The following SOCS2 variants were observed in gnomAD, a reference collection of about 807,000 sequenced individuals.
SOCS2 encodes the protein CIS-2.
SOCS2 carries 10 observed loss-of-function variants against 18.6 expected under a neutral mutation model. That is an observed-to-expected ratio of 0.54 (90% confidence interval 0.33 to 0.91). The LOEUF is 0.91. SOCS2 is among the 40% of genes least tolerant of loss of function. The pLI, the probability that SOCS2 is intolerant of heterozygous loss-of-function variation, is 0.02. For missense variants in SOCS2, 231 were observed against 247.2 expected, an observed-to-expected ratio of 0.93 and a Z score of 0.44; for synonymous variants, 104 against 104.0, an observed-to-expected ratio of 1.00 and a Z score of 0.00.
At chr12:93,590,783 C>CAAAAAAAAAAAAAAAAAAAA in the SOCS2 span, among the ~76,000 whole-genome samples, 1 of 38,950 alleles carries the variant, frequency 2.6e-5, no homozygotes, top group African/African-American at 1.2e-4. Context: ...GACTCCGCCT[C>CAAAAAAAAAAAAAAAAAAAA]AAAAAAAAAA....
the SOCS2 span, among the ~76,000 whole-genome samples, chr12:93,602,353 T>G: frequency 6.6e-6 from 1 of 152,190 alleles, no homozygotes; most frequent in South Asian, 2.1e-4. Flanking sequence ...GCCTTGGCCT[T>G]TCAAGGTACT....
Position 93,574,783 on chromosome 12 carries a change from A to C in SOCS2, c.201A>C (p.Glu67Asp), listed in dbSNP as rs1483429439. ...EAKEKLKEAPEGTFLIRDSSH... is the reference protein window; with the variant it reads ...EAKEKLKEAPDGTFLIRDSSH... The stretch of plus-strand genomic sequence containing the variant: ...AAGAGAAATTAAAAGAGGCACCAGA[A>C]GGAACTTTCTTGATTAGAGATAGCT... The change falls in exon 2 of 2, where the codon GAA (glutamate) becomes GAC (aspartate). Residue 67 changes from glutamate (E) to aspartate (D), a missense_variant. This residue lies in a region of SOCS2 where 106 missense variants were observed against 103.8 expected (regional missense o/e 1.02). Transcript: ENST00000551556. 1 of 1,614,202 alleles carries C rather than the reference A, an allele frequency of 6.2e-7. No homozygotes were observed. The highest frequency in any genetic ancestry group is 8.5e-7 in the Non-Finnish European group (1 of 1,180,026).
At chr12:93,618,733 C>G in the SOCS2 span, among the ~76,000 whole-genome samples, 11 of 152,348 alleles carry the variant, frequency 7.2e-5, no homozygotes, top group African/African-American at 2.6e-4. Context: ...GTCATTGTCT[C>G]ACTACTTTAC....
At chr12:93,596,226 AT>A in the SOCS2 span, among the ~76,000 whole-genome samples, 2 of 152,188 alleles carry the variant, frequency 1.3e-5, no homozygotes, top group Non-Finnish European at 2.9e-5. Flanking sequence ...CTTTACATAC[AT>A]TATTTGATTT....
At chr12:93,593,935 G>A in the SOCS2 span, among the ~76,000 whole-genome samples, 6 of 152,276 alleles carry the variant, frequency 3.9e-5, 1 homozygote, top group East Asian at 1.9e-4. Context: ...AATCAAGAGC[G>A]TAGAAAACCT....
downstream of SOCS2, among the ~76,000 whole-genome samples, chr12:93,584,215 A>G (rs891763398): frequency 6.6e-6 from 1 of 152,222 alleles, no homozygotes; most frequent in Admixed American, 6.5e-5. Context: ...TGTAAGGATT[A>G]CAGTAGAGGG....
chr12:93,587,408 G>A (rs199598243), downstream of SOCS2, among the ~76,000 whole-genome samples: 6 of 152,166 alleles, frequency 3.9e-5, no homozygotes, highest in East Asian at 1.9e-4. Flanking sequence ...GTGGCTGGGC[G>A]CAGTGGCTCA....
chr12:93,597,380 C>A, the SOCS2 span, among the ~76,000 whole-genome samples: 8 of 152,084 alleles, frequency 5.3e-5, no homozygotes, highest in Non-Finnish European at 1.2e-4. Flanking sequence ...CAGGCATGAT[C>A]TCAGCTCACT....
At chr12:93,585,015 G>A (rs1297922721), downstream of SOCS2, among the ~76,000 whole-genome samples, 3 of 151,922 alleles carry the variant, frequency 2.0e-5, no homozygotes, top group East Asian at 1.9e-4. Flanking sequence ...CACCTGTCTC[G>A]GCCTCCCAAA....
intron 1 of SOCS2, chr12:93,574,318 G>A (rs1489569911): frequency 2.0e-5 from 3 of 151,820 alleles, no homozygotes; most frequent in African/African-American, 7.3e-5. Context: ...TTTTTAAAGG[G>A]CATGGCTTTT....
At chr12:93,620,178 C>G in the SOCS2 span, among the ~76,000 whole-genome samples, 1 of 152,030 alleles carries the variant, frequency 6.6e-6, no homozygotes, top group Non-Finnish European at 1.5e-5. Flanking sequence ...TTAAATGATA[C>G]ATTTTTACAT....
chr12:93,584,277 T>TA (rs1954570257), downstream of SOCS2, among the ~76,000 whole-genome samples: 1 of 144,030 alleles, frequency 6.9e-6, no homozygotes, highest in East Asian at 2.0e-4. Context: ...ATTAGGCTGT[T>TA]ACCTCTCTCC....
At chr12:93,616,637 A>T in the SOCS2 span, among the ~76,000 whole-genome samples, 1 of 152,346 alleles carries the variant, frequency 6.6e-6, no homozygotes, top group African/African-American at 2.4e-5. Context: ...AACAGAGAGC[A>T]GAATTAGGCA....
the SOCS2 span, among the ~76,000 whole-genome samples, chr12:93,621,514 A>T: frequency 5.3e-5 from 8 of 152,124 alleles, no homozygotes; most frequent in South Asian, 1.2e-3. Flanking sequence ...ACAGAGTCTC[A>T]CTCTATCACC....
At chr12:93,603,262 G>A in the SOCS2 span, among the ~76,000 whole-genome samples, 75 of 152,242 alleles carry the variant, frequency 4.9e-4, no homozygotes, top group African/African-American at 1.7e-3. Context: ...CACTTACCTG[G>A]GGTCACTGTG....
chr12:93,614,862 C>T, the SOCS2 span, among the ~76,000 whole-genome samples: 1 of 151,406 alleles, frequency 6.6e-6, no homozygotes, highest in South Asian at 2.1e-4. Context: ...GATCCATCCG[C>T]CTCGGCCTCC....
the SOCS2 span, among the ~76,000 whole-genome samples, chr12:93,614,371 TTCTTTCTTTC>T: frequency 1.8e-5 from 1 of 55,214 alleles, no homozygotes; most frequent in South Asian, 8.2e-4. Context: ...CCTTCTTTCT[TTCTTTCTTTC>T]TTTCTTTCTT....
chr12:93,598,953 G>A, the SOCS2 span, among the ~76,000 whole-genome samples: 2 of 152,102 alleles, frequency 1.3e-5, no homozygotes, highest in East Asian at 3.8e-4. Flanking sequence ...ATTGTCCCTA[G>A]TGCCTAGCTG....
chr12:93,572,147 C>G (rs1489893156), upstream of SOCS2: 2 of 168,122 alleles, frequency 1.2e-5, no homozygotes, highest in South Asian at 2.7e-4. This position sits in a 1 kb window ranked among gnomAD's most constrained non-coding sequence, Gnocchi z 5.0. Flanking sequence ...AGGAGCCTCC[C>G]GGGCGGAGAT....
Sources: allele counts gnomAD v4.1 joint callset (sites outside exome capture counted in the v4.1 genomes callset), GRCh38; gene constraint gnomAD v4.1.1; regional missense constraint gnomAD v4.1.1; non-coding constraint Gnocchi (gnomAD v3.1); transcripts MANE v1.5; gene names NCBI Gene and HGNC (gene_info 2026-07-23, HGNC 2026-07-21).